IGLL5: variants seen among roughly 807,000 people sequenced by gnomAD.
IGLL5 encodes immunoglobulin lambda like polypeptide 5, also known as immunoglobulin lambda-like polypeptide 5.
Under a neutral mutation model 20.9 loss-of-function variants are expected in IGLL5, and 30 were observed. That is an observed-to-expected ratio of 1.44 (90% confidence interval 1.07 to 1.95). The LOEUF (loss-of-function observed/expected upper bound fraction) is 1.95, where lower values mean the gene tolerates loss of function less well. Among genes scored for constraint, IGLL5 ranks in the 30% most tolerant of loss-of-function variants. The pLI is 0.00. For missense variants in IGLL5, 475 were observed against 270.7 expected (o/e 1.75, Z -5.30); for synonymous variants, 203 against 117.3 (o/e 1.73, Z -4.72).
chr22:22,888,366 A>T (rs539599666), intron 1 of IGLL5, 107 bp downstream of exon 1: 1 of 1,008,798 alleles, frequency 9.9e-7, no homozygotes, highest in African/African-American at 1.6e-5. Flanking sequence ...TTAACCCCTA[A>T]GAGGGGCCTG....
intron 2 of IGLL5, among the ~76,000 whole-genome samples, chr22:22,894,692 G>C (rs1175974312): frequency 1.3e-5 from 2 of 151,394 alleles, no homozygotes; most frequent in Non-Finnish European, 2.9e-5. Context: ...GGGGGCTGCT[G>C]AGTCTCATAG....
At position 22,890,898 on chromosome 22, in the gene IGLL5, GT is replaced by G. The variant is rs368600256; in HGVS notation, c.206+2640del. Among the ~76,000 whole-genome samples, 511 of 150,956 alleles carry G rather than the reference GT, an allele frequency of 3.4e-3. 2 individuals are homozygous for G. Among genetic ancestry groups the G allele is most frequent in the African/African-American group, 0.012 (479 of 41,164 alleles). On this transcript the variant is annotated intron_variant, in intron 1 of 2. Coordinates refer to ENST00000526893, the MANE Select transcript of IGLL5 (RefSeq NM_001178126.2). The stretch of plus-strand genomic sequence containing the variant: ...TATTTTTATTTATTGGTTTTATTTC[GT>G]CTGTGAATTAACTGGTCATCATGTT...
intron 2 of IGLL5, among the ~76,000 whole-genome samples, chr22:22,894,619 T>G: frequency 6.6e-6 from 1 of 150,944 alleles, no homozygotes; most frequent in Non-Finnish European, 1.5e-5. Flanking sequence ...GAATGAGGGG[T>G]GCAGAGAACT....
At chr22:22,890,673 T>C (rs1403301928) in intron 1 of IGLL5, among the ~76,000 whole-genome samples, 4 of 150,256 alleles carry the variant, frequency 2.7e-5, no homozygotes, top group South Asian at 2.2e-4. Context: ...TCAGAGAGAA[T>C]GTACTTTTGA....
Position 22,895,616 on chromosome 22 carries a change from C to T in IGLL5, c.567C>T (p.Ser189=), listed in dbSNP as rs764002378. Residue 189 remains serine, a synonymous_variant, in exon 3 of 3, where the codon TCC becomes TCT. Coordinates refer to ENST00000526893, the MANE Select transcript of IGLL5 (RefSeq NM_001178126.2). ...YLSLTPEQWK[S]HRSYSCQVTH... ...GCCTGACGCCCGAGCAGTGGAAGTC[C>T]CACAGAAGCTACAGCTGCCAGGTCA... 3.7e-6 allele frequency: 6 copies of T among 1,613,218 alleles called. No individual in the cohort carries two copies. The highest frequency in any genetic ancestry group is 1.7e-4 in the Middle Eastern group (1 of 6,050).
intron 1 of IGLL5, among the ~76,000 whole-genome samples, chr22:22,888,909 G>C (rs2067663337): frequency 6.6e-6 from 1 of 151,378 alleles, no homozygotes; most frequent in South Asian, 2.1e-4. Flanking sequence ...CACAGATCGA[G>C]GGGCACTGGC....
chr22:22,890,119 A>T (rs148353155), intron 1 of IGLL5, among the ~76,000 whole-genome samples: 1 of 150,546 alleles, frequency 6.6e-6, no homozygotes, highest in African/African-American at 2.4e-5. Flanking sequence ...TGTAATGAGT[A>T]TATTACAAAA....
intron 2 of IGLL5, among the ~76,000 whole-genome samples, chr22:22,894,681 T>G (rs543062928): frequency 4.6e-5 from 7 of 151,244 alleles, no homozygotes; most frequent in Middle Eastern, 7.6e-3. Flanking sequence ...GGGGTGGGCC[T>G]GGGGGCTGCT....
rs1050549450 is a variant in IGLL5, at chr22:22,888,390, T to C, written c.206+131T>C. 11 of 709,608 alleles carry C rather than the reference T, an allele frequency of 1.6e-5. 1 individual carries two copies. Among genetic ancestry groups the C allele is most frequent in the Admixed American group, 5.8e-5 (2 of 34,622 alleles). The allele number at this position is 709,608 out of a possible 1,614,324, so 44.0% of individuals were successfully genotyped here. A position where few individuals can be genotyped will look rare whatever the true frequency, so the allele number is the denominator to read the frequency against. On this transcript the variant is annotated intron_variant, in intron 1 of 2. Coordinates refer to ENST00000526893, the MANE Select transcript of IGLL5 (RefSeq NM_001178126.2). ...AAGAGGGGCCTGGGCTGACACTGGC[T>C]TTAGTAATGGGTTGATATTTTGTCC...
rs2067987015 is a variant in IGLL5 at position 22,894,133 on chromosome 22, G to T, written c.325+315G>T. Among the ~76,000 whole-genome samples, 2 of 151,550 alleles carry T rather than the reference G, an allele frequency of 1.3e-5. 1 individual carries two copies. Among genetic ancestry groups the T allele is most frequent in the African/African-American group, 4.8e-5 (2 of 41,380 alleles). On this transcript the variant is annotated intron_variant, in intron 2 of 2. Coordinates refer to ENST00000526893, the MANE Select transcript of IGLL5 (RefSeq NM_001178126.2). ...TGGTTCTGATGAGGGGCCCTGCAGTGTCCTTAGGGACATTGCCCAGTGACT... is the reference window on the plus strand; with the variant it reads ...TGGTTCTGATGAGGGGCCCTGCAGTTTCCTTAGGGACATTGCCCAGTGACT...
At chr22:22,888,930 T>G (rs1601605025) in intron 1 of IGLL5, among the ~76,000 whole-genome samples, 2 of 151,006 alleles carry the variant, frequency 1.3e-5, no homozygotes, top group East Asian at 2.0e-4. Flanking sequence ...TGGTGATGGG[T>G]GCCCCCAAAA....
At chr22:22,889,582 T>G (rs2067735717) in intron 1 of IGLL5, among the ~76,000 whole-genome samples, 1 of 151,098 alleles carries the variant, frequency 6.6e-6, no homozygotes, top group African/African-American at 2.4e-5. Flanking sequence ...CAATTGTATT[T>G]GGGGGACTGT....
At chr22:22,889,028 G>C (rs145457972) in intron 1 of IGLL5, among the ~76,000 whole-genome samples, 1 of 151,410 alleles carries the variant, frequency 6.6e-6, no homozygotes, top group Non-Finnish European at 1.5e-5. Context: ...AGACCATAGG[G>C]TCCGTGCACC....
At position 22,895,637 on chromosome 22, in the gene IGLL5, G is replaced by C. The variant is rs1476513261; in HGVS notation, c.588G>C (p.Gln196His). The C allele has an allele frequency of 4.3e-6, 7 of 1,613,324 alleles. No individual in the cohort carries two copies. Among genetic ancestry groups the C allele is most frequent in the Admixed American group, 1.7e-5 (1 of 59,906 alleles). ...AGTCCCACAGAAGCTACAGCTGCCA[G>C]GTCACGCATGAAGGGAGCACCGTGG... ...QWKSHRSYSC[Q>H]VTHEGSTVEK... The change falls in exon 3 of 3, where the codon CAG (glutamine) becomes CAC (histidine). Residue 196 changes from glutamine to histidine, a missense_variant. Coordinates refer to ENST00000526893, the MANE Select transcript of IGLL5 (RefSeq NM_001178126.2).
Position 22,895,685 on chromosome 22 carries a change from A to T in IGLL5, c.636A>T (p.Glu212Asp). 1 of 1,613,136 alleles carries T rather than the reference A, an allele frequency of 6.2e-7. No individual in the cohort carries two copies. The highest frequency in any genetic ancestry group is 8.5e-7 in the Non-Finnish European group (1 of 1,179,670). Residue 212 changes from glutamate (E) to aspartate (D), a missense_variant, in exon 3 of 3, where the codon GAA becomes GAT. Physicochemically the swap from Glu to Asp is conservative, Grantham distance 45 (BLOSUM62 2). Coordinates refer to ENST00000526893, the MANE Select transcript of IGLL5 (RefSeq NM_001178126.2). ...TGGAGAAGACAGTGGCCCCTACAGA[A>T]TGTTCATAGGTTCCCAACTCTAACC... ...STVEKTVAPT[E>D]CS
intron 1 of IGLL5, among the ~76,000 whole-genome samples, chr22:22,889,062 T>A (rs1411388208): frequency 6.6e-6 from 1 of 151,120 alleles, no homozygotes; most frequent in Non-Finnish European, 1.5e-5. Context: ...GACGAGTCCT[T>A]GGATGGATTT....
chr22:22,888,478 C>A (rs143875024), intron 1 of IGLL5, among the ~76,000 whole-genome samples: 2 of 151,336 alleles, frequency 1.3e-5, no homozygotes, highest in African/African-American at 4.8e-5. Context: ...TTCTTGATTT[C>A]TGAGTTTTCT....
intron 1 of IGLL5, among the ~76,000 whole-genome samples, chr22:22,889,055 G>C (rs74993874): frequency 6.6e-6 from 1 of 151,294 alleles, no homozygotes; most frequent in African/African-American, 2.4e-5. Flanking sequence ...AGTCCAGGAC[G>C]AGTCCTTGGA....
rs1396718329 is a variant in IGLL5, at chr22:22,888,397, A to G, written c.206+138A>G. On this transcript the variant is annotated intron_variant, in intron 1 of 2. Transcript: ENST00000526893. ...GCCTGGGCTGACACTGGCTTTAGTA[A>G]TGGGTTGATATTTTGTCCATCACAG... is the stretch of plus-strand genomic sequence containing the variant. 2.4e-5 allele frequency: 16 copies of G among 668,326 alleles called. 1 individual carries two copies. The highest frequency in any genetic ancestry group is 8.8e-5 in the Admixed American group (3 of 33,972). The allele number at this position is 668,326 out of a possible 1,614,324, so 41.4% of individuals were successfully genotyped here. A position where few individuals can be genotyped will look rare whatever the true frequency, so the allele number is the denominator to read the frequency against.
Sources: gnomAD v4.1 joint callset for allele counts (sites outside exome capture counted in the v4.1 genomes callset) on GRCh38, gnomAD v4.1.1 for gene constraint, MANE v1.5 for transcripts, NCBI Gene and HGNC (gene_info 2026-07-23, HGNC 2026-07-21) for gene names.